The following THSD4 variants were observed in gnomAD, a reference collection of about 807,000 sequenced individuals.
THSD4 encodes thrombospondin type 1 domain containing 4.
A neutral mutation model predicts 119.0 loss-of-function variants in THSD4; 69 were observed. The observed-to-expected ratio is 0.58, with a 90% confidence interval of 0.48 to 0.71. THSD4 has a LOEUF of 0.71. THSD4 is among the 30% of genes least tolerant of loss of function. THSD4 has a pLI of 0.00. For missense variants in THSD4, 1,393 were observed against 1,391.1 expected (o/e 1.00, Z -0.02); for synonymous variants, 524 against 540.4 (o/e 0.97, Z 0.42).
chr15:71,256,818 G>A (rs963557626), intron 6 of THSD4, 103 bp downstream of exon 6: 4 of 1,031,808 alleles, frequency 3.9e-6, no homozygotes, highest in Non-Finnish European at 5.8e-6. Flanking sequence ...TCCTGGCTGG[G>A]GTGTCAATAG....
chr15:71,548,333 C>T (rs2048871528), intron 7 of THSD4, among the ~76,000 whole-genome samples: 1 of 152,150 alleles, frequency 6.6e-6, no homozygotes, highest in African/African-American at 2.4e-5. Context: ...TTTGAAAAGC[C>T]AAATGAAAAG....
intron 8 of THSD4, among the ~76,000 whole-genome samples, chr15:71,680,686 G>A (rs1230187700): frequency 6.6e-6 from 1 of 152,212 alleles, no homozygotes; most frequent in Non-Finnish European, 1.5e-5. Context: ...GAGCAGAATT[G>A]TGCAAGTTAA....
At chr15:71,214,247 C>A (rs1461742617) in intron 3 of THSD4, among the ~76,000 whole-genome samples, 1 of 149,738 alleles carries the variant, frequency 6.7e-6, no homozygotes, top group East Asian at 1.9e-4. Context: ...GGCGACCCGC[C>A]CCACTCCCTC....
intron 7 of THSD4, among the ~76,000 whole-genome samples, chr15:71,564,768 AT>A: frequency 2.1e-4 from 2 of 9,446 alleles, no homozygotes; most frequent in Admixed American, 1.2e-3. Flanking sequence ...ATAATACAAT[AT>A]ATATTGTATA....
At chr15:71,558,693 A>G (rs2049063234) in intron 7 of THSD4, among the ~76,000 whole-genome samples, 1 of 151,958 alleles carries the variant, frequency 6.6e-6, no homozygotes, top group Non-Finnish European at 1.5e-5. Flanking sequence ...CTGATCTTGG[A>G]CTTCTGGGCT....
At chr15:71,233,655 A>C (rs1156648476) in intron 4 of THSD4, among the ~76,000 whole-genome samples, 1 of 152,226 alleles carries the variant, frequency 6.6e-6, no homozygotes, top group Non-Finnish European at 1.5e-5. Flanking sequence ...CACCATAATT[A>C]AACTAGCTCC....
At chr15:71,658,913 C>T (rs1382153780) in intron 7 of THSD4, among the ~76,000 whole-genome samples, 4 of 152,132 alleles carry the variant, frequency 2.6e-5, no homozygotes, top group Admixed American at 6.5e-5. Flanking sequence ...AAGGGCAGTG[C>T]CTGCAGAAAG....
At chr15:71,120,557 T>A (rs2141352628) in intron 1 of THSD4, among the ~76,000 whole-genome samples, 1 of 152,284 alleles carries the variant, frequency 6.6e-6, no homozygotes, top group South Asian at 2.1e-4. Flanking sequence ...CACAACCGGG[T>A]GGGCAGCATG....
At chr15:71,584,672 A>G (rs931564578) in intron 7 of THSD4, among the ~76,000 whole-genome samples, 13 of 152,164 alleles carry the variant, frequency 8.5e-5, no homozygotes, top group Admixed American at 4.6e-4. Flanking sequence ...CAGCCATTCA[A>G]TGTCTTTTGA....
At chr15:71,483,536 T>A (rs1460779362) in intron 7 of THSD4, among the ~76,000 whole-genome samples, 1 of 152,192 alleles carries the variant, frequency 6.6e-6, no homozygotes, top group Non-Finnish European at 1.5e-5. Flanking sequence ...GGAAAGTAAC[T>A]TGAACTTCCA....
At chr15:71,350,324 G>A (rs1003522495) in intron 6 of THSD4, among the ~76,000 whole-genome samples, 1 of 151,990 alleles carries the variant, frequency 6.6e-6, no homozygotes, top group Non-Finnish European at 1.5e-5. Flanking sequence ...TTTAATGTTC[G>A]TTTTTGGCAC....
rs1401848712 is a variant in THSD4, at chr15:71,748,316, C to G, written c.2242-105C>G. ...CAGCTGGTGACATGCATGACAGAGC[C>G]TCAGTCTCATGGGGCTGATCACAAA... On this transcript the variant is annotated intron_variant, in intron 13 of 17. Coordinates refer to ENST00000261862, the MANE Select transcript of THSD4 (RefSeq NM_024817.3). 3 of 1,395,996 alleles carry G rather than the reference C, an allele frequency of 2.1e-6. No homozygotes were observed. In the African/African-American group the frequency reaches 4.3e-5, roughly 20 times the overall value. The allele number at this position is 1,395,996 out of a possible 1,614,324, so 86.5% of individuals were successfully genotyped here.
At chr15:71,388,829 C>T (rs912717760) in intron 6 of THSD4, among the ~76,000 whole-genome samples, 3 of 152,040 alleles carry the variant, frequency 2.0e-5, no homozygotes, top group Admixed American at 6.6e-5. Flanking sequence ...TTGGCTGTGT[C>T]GCCACCCAAA....
At chr15:71,736,159 CTCTG>C (rs2053097870) in intron 10 of THSD4, among the ~76,000 whole-genome samples, 2 of 50,892 alleles carry the variant, frequency 3.9e-5, no homozygotes, top group Admixed American at 2.0e-4. Flanking sequence ...CTCTCTTGCT[CTCTG>C]TCTCTGTCTC....
chr15:71,466,442 G>A (rs1459579705), intron 7 of THSD4, among the ~76,000 whole-genome samples: 1 of 152,014 alleles, frequency 6.6e-6, no homozygotes, highest in African/African-American at 2.4e-5. Flanking sequence ...CTGAGCCCCA[G>A]CATCCCCCAG....
At chr15:71,337,698 G>T in intron 6 of THSD4, among the ~76,000 whole-genome samples, 1 of 147,410 alleles carries the variant, frequency 6.8e-6, no homozygotes, top group East Asian at 2.0e-4. Context: ...AGCCAGGCTG[G>T]AAGATGAGGC....
Position 71,141,562 on chromosome 15 carries a change from TGAA to T in THSD4, c.29+10_29+12del. On this transcript the variant is annotated splice_region_variant and intron_variant, in intron 2 of 17. Transcript: ENST00000261862. Reference sequence around the variant, plus strand: ...CATTTCATGGGGTCTCTCAGGTAAGTGAAGAAACTTTTTTTAAAAAAACAGGAG... The same window carrying T: ...CATTTCATGGGGTCTCTCAGGTAAGTGAAACTTTTTTTAAAAAAACAGGAG... 6.2e-7 allele frequency: 1 copy of T among 1,607,304 alleles called. No homozygotes were observed. The highest frequency in any genetic ancestry group is 8.5e-7 in the Non-Finnish European group (1 of 1,177,330).
chr15:71,498,067 T>A (rs779928783), intron 7 of THSD4, among the ~76,000 whole-genome samples: 18 of 152,234 alleles, frequency 1.2e-4, no homozygotes, highest in Non-Finnish European at 2.4e-4. Context: ...GAAGCCAGCA[T>A]GCGTTGGTGA....
intron 1 of THSD4, among the ~76,000 whole-genome samples, chr15:71,118,936 C>T (rs2040386406): frequency 6.6e-6 from 1 of 152,188 alleles, no homozygotes; most frequent in African/African-American, 2.4e-5. Context: ...GACACCCCTT[C>T]ATCATCTAGG....
Sources: allele counts gnomAD v4.1 joint callset (sites outside exome capture counted in the v4.1 genomes callset), GRCh38; gene constraint gnomAD v4.1.1; transcripts MANE v1.5; gene names NCBI Gene and HGNC (gene_info 2026-07-23, HGNC 2026-07-21).